ATF7: variants seen among roughly 807,000 people sequenced by gnomAD.
ATF7 encodes cyclic AMP-dependent transcription factor ATF-7.
In ATF7, 10 loss-of-function variants were observed where a neutral mutation model predicts 50.4. That is an observed-to-expected ratio of 0.20 (90% CI 0.12 to 0.34). ATF7 has a LOEUF of 0.34. Among genes scored for constraint, ATF7 ranks in the 10% least tolerant of loss-of-function variants. The probability of loss-of-function intolerance (pLI) is 1.00; values close to 1 mark genes in which losing one functional copy is unlikely to be tolerated. For missense variants in ATF7, 465 were observed against 613.9 expected (o/e 0.76, Z 2.56); for synonymous variants, 201 against 226.4 (o/e 0.89, Z 1.01).
chr12:53,511,688 G>A (rs1176750620), downstream of ATF7, among the ~76,000 whole-genome samples: 1 of 152,114 alleles, frequency 6.6e-6, no homozygotes, highest in African/African-American at 2.4e-5. Context: ...TTGGGTGGGG[G>A]TTGGCAACAA....
chr12:53,593,763 G>A (rs1019597298), intron 2 of ATF7, among the ~76,000 whole-genome samples: 2 of 152,130 alleles, frequency 1.3e-5, no homozygotes, highest in African/African-American at 2.4e-5. Flanking sequence ...CCAGTAAAAC[G>A]CCAGAAGACT....
In ATF7 at chr12:53,524,162, A is replaced by C. The variant is rs2137336933; in HGVS notation, c.1125+402T>G. Among the ~76,000 whole-genome samples the C allele has an allele frequency of 6.6e-6, 1 of 152,366 alleles. No individual in the cohort carries two copies. Among genetic ancestry groups the C allele is most frequent in the East Asian group, 1.9e-4 (1 of 5,190 alleles). On this transcript the variant is annotated intron_variant, in intron 10 of 11. Coordinates refer to ENST00000420353, the MANE Select transcript of ATF7 (RefSeq NM_006856.3). This position sits in a 1 kb window ranked among gnomAD's most constrained non-coding sequence, Gnocchi z 4.6. ...TAACATTCAAGAGAAGGTATGGATT[A>C]TAGATTATAATTATTCTATTTGTGC... is the stretch of plus-strand genomic sequence containing the variant.
intron 1 of ATF7, among the ~76,000 whole-genome samples, chr12:53,611,326 G>A (rs1419833658): frequency 6.6e-6 from 1 of 152,016 alleles, no homozygotes; most frequent in Non-Finnish European, 1.5e-5. Context: ...AAAATTAGCT[G>A]GGCATGGTGG....
At chr12:53,565,588 G>A (rs906255173) in intron 2 of ATF7, among the ~76,000 whole-genome samples, 2 of 152,000 alleles carry the variant, frequency 1.3e-5, no homozygotes, top group African/African-American at 4.8e-5. Flanking sequence ...TGCCTCCCAG[G>A]TTCAAGTGAT....
intron 8 of ATF7, 29 bp from the exon 9 acceptor site, chr12:53,531,925 G>T: frequency 6.2e-7 from 1 of 1,610,832 alleles, no homozygotes; most frequent in Non-Finnish European, 8.5e-7. Flanking sequence ...AAAAATGCTT[G>T]TTAAGGATCA....
chr12:53,534,666 A>C lies in ATF7; in HGVS notation c.403-7T>G. ...CAGGCTTTGGGGTAACCTCCTGGAG[A>C]AAAGAAACCAACAGATCACAAAATG... is the stretch of plus-strand genomic sequence containing the variant. On this transcript the variant is annotated splice_polypyrimidine_tract_variant and splice_region_variant and intron_variant, in intron 5 of 11. Coordinates refer to ENST00000420353, the MANE Select transcript of ATF7 (RefSeq NM_006856.3). 6.2e-7 allele frequency: 1 copy of C among 1,609,108 alleles called. No individual in the cohort carries two copies. The highest frequency in any genetic ancestry group is 1.1e-5 in the South Asian group (1 of 90,230).
chr12:53,513,714 G>A lies in ATF7; in HGVS notation c.*3423C>T, dbSNP rs1253462091. 3 of 152,158 alleles carry A rather than the reference G, an allele frequency of 2.0e-5. No homozygotes were observed. The highest frequency in any genetic ancestry group is 7.2e-5 in the African/African-American group (3 of 41,430). The allele number at this position is 152,158 out of a possible 1,614,324, so 9.4% of individuals were successfully genotyped here. ...AAAACTGGCGGGGATAGCTGTATCA[G>A]GGGCTAGCACCTTTAAGGAGCCTCT... On this transcript the variant is annotated 3_prime_UTR_variant, in exon 12 of 12. Coordinates refer to ENST00000420353, the MANE Select transcript of ATF7 (RefSeq NM_006856.3).
At chr12:53,614,990 G>T (rs745544816) in intron 1 of ATF7, among the ~76,000 whole-genome samples, 8 of 151,970 alleles carry the variant, frequency 5.3e-5, no homozygotes, top group African/African-American at 9.7e-5. Context: ...TGAGGCAGGA[G>T]AATCACTTGA....
intron 1 of ATF7, among the ~76,000 whole-genome samples, chr12:53,605,918 G>T (rs923720271): frequency 6.6e-6 from 1 of 152,098 alleles, no homozygotes; most frequent in Non-Finnish European, 1.5e-5. Context: ...TTAACTTCAG[G>T]TTTCTGCAGA....
intron 1 of ATF7, among the ~76,000 whole-genome samples, chr12:53,614,314 T>C (rs970198304): frequency 1.3e-5 from 2 of 152,202 alleles, no homozygotes; most frequent in African/African-American, 4.8e-5. Context: ...TTGGCCTCAG[T>C]GTGCATTTTA....
intron 6 of ATF7, 145 bp downstream of exon 6, chr12:53,534,357 T>G: frequency 8.1e-7 from 1 of 1,238,134 alleles, no homozygotes; most frequent in Non-Finnish European, 1.2e-6. Flanking sequence ...AAGATTCTGT[T>G]TATGGGGGAA....
At chr12:53,537,734 C>T (rs754149309) in intron 4 of ATF7, among the ~76,000 whole-genome samples, 182 bp from the exon 5 acceptor site, 2 of 151,816 alleles carry the variant, frequency 1.3e-5, no homozygotes, top group African/African-American at 2.4e-5. Context: ...TATTTTGAGG[C>T]GTAGTTTCAA....
intron 2 of ATF7, among the ~76,000 whole-genome samples, chr12:53,595,182 A>G (rs1943104321): frequency 6.6e-6 from 1 of 152,222 alleles, no homozygotes; most frequent in South Asian, 2.1e-4. Context: ...AACTCTTGGC[A>G]GAGGGTGGGG....
intron 2 of ATF7, among the ~76,000 whole-genome samples, chr12:53,580,719 G>A (rs1942383842): frequency 6.8e-6 from 1 of 146,712 alleles, no homozygotes; most frequent in East Asian, 2.0e-4. Context: ...ATCCAAAAAA[G>A]GTGAGAATAG....
intron 2 of ATF7, 33 bp from the exon 3 acceptor site, chr12:53,552,670 A>G: frequency 6.5e-7 from 1 of 1,535,746 alleles, no homozygotes; most frequent in South Asian, 1.1e-5. Flanking sequence ...ATATGAAAAA[A>G]CAAAAACAAA....
chr12:53,554,573 CA>C (rs1940591361), intron 2 of ATF7, among the ~76,000 whole-genome samples: 3 of 151,142 alleles, frequency 2.0e-5, no homozygotes, highest in Non-Finnish European at 1.5e-5. Flanking sequence ...GACCCTTTCT[CA>C]AAAAAGGGCC....
At chr12:53,592,330 G>A (rs1942979279) in intron 2 of ATF7, among the ~76,000 whole-genome samples, 1 of 152,188 alleles carries the variant, frequency 6.6e-6, no homozygotes, top group Admixed American at 6.5e-5. Flanking sequence ...AAACCTCAAA[G>A]CTTCTATCTT....
intron 4 of ATF7, among the ~76,000 whole-genome samples, chr12:53,538,501 A>G (rs1939350899): frequency 6.6e-6 from 1 of 152,192 alleles, no homozygotes; most frequent in Non-Finnish European, 1.5e-5. Flanking sequence ...AGACTGGAGA[A>G]AACCAGAAAG....
At chr12:53,600,196 G>T (rs1337019856) in intron 2 of ATF7, among the ~76,000 whole-genome samples, 1 of 152,090 alleles carries the variant, frequency 6.6e-6, no homozygotes, top group African/African-American at 2.4e-5. Context: ...ACAGTCAAAA[G>T]AAATTTTTTT....
Sources: allele counts gnomAD v4.1 joint callset (sites outside exome capture counted in the v4.1 genomes callset), GRCh38; gene constraint gnomAD v4.1.1; non-coding constraint Gnocchi (gnomAD v3.1); transcripts MANE v1.5; gene names NCBI Gene and HGNC (gene_info 2026-07-23, HGNC 2026-07-21).